The following THSD7A variants were observed in gnomAD, a reference collection of about 807,000 sequenced individuals.
THSD7A encodes the protein thrombospondin type 1 domain containing 7A, also known as thrombospondin type-1 domain-containing protein 7A.
THSD7A carries 96 observed loss-of-function variants against 231.3 expected under a neutral mutation model. The ratio of observed to expected loss-of-function variants is 0.41; its 90% confidence interval spans 0.35 to 0.49. THSD7A has a LOEUF of 0.49. Among genes scored for constraint, THSD7A ranks in the 20% least tolerant of loss-of-function variants. THSD7A has a pLI of 0.05. For synonymous variants in THSD7A, 940 were observed against 743.3 expected (o/e 1.26, Z -4.30); for missense variants, 2,290 against 2,070.2 (o/e 1.11, Z -2.06).
In THSD7A at chr7:11,571,238, G is replaced by A. The variant is rs1406146638; in HGVS notation, c.1453+19222C>T. 2.6e-5 allele frequency among the ~76,000 whole-genome samples: 4 copies of A among 152,316 alleles called. No homozygotes were observed. In the South Asian group the frequency reaches 8.3e-4, roughly 32 times the overall value. On this transcript the variant is annotated intron_variant, in intron 4 of 27. Coordinates refer to ENST00000423059, the MANE Select transcript of THSD7A (RefSeq NM_015204.3). ...ACTATATGAGGCTCTCTGGAACTGA[G>A]GAGATGGTGGAGGTTCCACAGATCC...
intron 1 of THSD7A, among the ~76,000 whole-genome samples, chr7:11,748,939 A>G (rs543515221): frequency 6.6e-6 from 1 of 152,092 alleles, no homozygotes; most frequent in South Asian, 2.1e-4. Context: ...TGCAGCGAAC[A>G]CCGGGAATGA....
chr7:11,595,018 C>T (rs1203807000), intron 2 of THSD7A, among the ~76,000 whole-genome samples: 2 of 152,124 alleles, frequency 1.3e-5, no homozygotes, highest in Non-Finnish European at 1.5e-5. Context: ...CTTCCCCATC[C>T]CCAGTAGTGA....
chr7:11,499,405 A>T (rs1562659721), intron 6 of THSD7A, among the ~76,000 whole-genome samples: 2 of 152,238 alleles, frequency 1.3e-5, no homozygotes, highest in African/African-American at 2.4e-5. Flanking sequence ...AAGAAATATA[A>T]ACACCAAGAT....
chr7:11,734,881 T>G (rs1050592387), intron 1 of THSD7A, among the ~76,000 whole-genome samples: 1 of 151,938 alleles, frequency 6.6e-6, no homozygotes, highest in Non-Finnish European at 1.5e-5. Flanking sequence ...GATGATTTTA[T>G]AGTCATTTTT....
At chr7:11,668,972 C>T (rs1310501242) in intron 1 of THSD7A, among the ~76,000 whole-genome samples, 2 of 152,106 alleles carry the variant, frequency 1.3e-5, no homozygotes, top group South Asian at 2.1e-4. Context: ...TGTTTCTAGT[C>T]GAGTGTGCTG....
intron 1 of THSD7A, among the ~76,000 whole-genome samples, chr7:11,723,390 G>T (rs1483916113): frequency 6.6e-6 from 1 of 151,588 alleles, no homozygotes; most frequent in Admixed American, 6.6e-5. Flanking sequence ...ACGAGTTAAT[G>T]AGTGCAGCAC....
rs563308418 is a variant in THSD7A, at chr7:11,819,508, C to T, written c.190+12249G>A. On this transcript the variant is annotated intron_variant, in intron 1 of 27. Transcript: ENST00000423059. ...TCAAAAGAAATGAGCTGTCAAGCCACGAAAAGGCATGTAGAAAACTTAAAC... is the reference window on the plus strand; with the variant it reads ...TCAAAAGAAATGAGCTGTCAAGCCATGAAAAGGCATGTAGAAAACTTAAAC... Among the ~76,000 whole-genome samples, 7 of 152,156 alleles carry T rather than the reference C, an allele frequency of 4.6e-5. No homozygotes were observed. In the South Asian group the frequency reaches 8.3e-4, roughly 18 times the overall value.
chr7:11,540,249 T>G (rs1321537831), intron 6 of THSD7A, among the ~76,000 whole-genome samples: 1 of 152,218 alleles, frequency 6.6e-6, no homozygotes, highest in African/African-American at 2.4e-5. Context: ...ACTCAAGCAC[T>G]GGTTCAGATT....
rs181775870 is a variant in THSD7A at position 11,764,963 on chromosome 7, T to C, written c.190+66794A>G. On this transcript the variant is annotated intron_variant, in intron 1 of 27. Transcript: ENST00000423059. Reference sequence around the variant, plus strand: ...AAATGGTTTAAAATCTGTAACAGTATAGAAACTCTTAATGACAAACCTGAG... The same window carrying C: ...AAATGGTTTAAAATCTGTAACAGTACAGAAACTCTTAATGACAAACCTGAG... Among the ~76,000 whole-genome samples, 251 of 152,264 alleles carry C rather than the reference T, an allele frequency of 1.6e-3. 1 individual carries two copies. The highest frequency in any genetic ancestry group is 7.1e-3 in the Middle Eastern group (2 of 282).
intron 2 of THSD7A, among the ~76,000 whole-genome samples, chr7:11,594,347 G>T (rs185795428): frequency 0.012 from 1,784 of 152,194 alleles, 28 homozygotes; most frequent in African/African-American, 0.041. Context: ...GACAGATTTT[G>T]GTACCAGGAG....
At chr7:11,826,153 C>T (rs1785021038) in intron 1 of THSD7A, among the ~76,000 whole-genome samples, 1 of 152,286 alleles carries the variant, frequency 6.6e-6, no homozygotes, top group South Asian at 2.1e-4. Flanking sequence ...GTAAAGGACA[C>T]ACTGACTGTC....
intron 11 of THSD7A, among the ~76,000 whole-genome samples, chr7:11,453,623 A>T (rs1785213968): frequency 1.3e-5 from 2 of 151,982 alleles, no homozygotes; most frequent in South Asian, 4.1e-4. Context: ...TATTAACTCT[A>T]GTTCCATCTA....
At chr7:11,562,768 C>G (rs1245979895) in intron 4 of THSD7A, among the ~76,000 whole-genome samples, 2 of 152,036 alleles carry the variant, frequency 1.3e-5, no homozygotes, top group Non-Finnish European at 2.9e-5. Flanking sequence ...ATATTAAGTG[C>G]TTACTCTTTG....
intron 4 of THSD7A, among the ~76,000 whole-genome samples, chr7:11,569,697 G>A (rs79): frequency 0.8 from 120,960 of 152,070 alleles, 48,269 homozygotes; most frequent in Middle Eastern, 0.88. Context: ...GAAAATCAGT[G>A]TATCAAAGGG....
At chr7:11,433,494 A>G (rs2072884660) in intron 13 of THSD7A, among the ~76,000 whole-genome samples, 1 of 152,084 alleles carries the variant, frequency 6.6e-6, no homozygotes, top group Admixed American at 6.6e-5. Context: ...TATTTGTAAG[A>G]CTACAATGAA....
rs550753717 is a variant in THSD7A at position 11,379,730 on chromosome 7, A to T, written c.4508-18T>A. 6.4e-7 allele frequency: 1 copy of T among 1,565,330 alleles called. No individual in the cohort carries two copies. The highest frequency in any genetic ancestry group is 1.2e-5 in the South Asian group (1 of 84,998). ...GCAGCCCCCTGCGGAACAGAAAATC[A>T]TGTTTTGACAAATAATATATTTTGC... On this transcript the variant is annotated intron_variant, in intron 24 of 27. Transcript: ENST00000423059.
chr7:11,396,097 A>G (rs377025446), intron 23 of THSD7A, among the ~76,000 whole-genome samples: 1 of 151,832 alleles, frequency 6.6e-6, no homozygotes, highest in Non-Finnish European at 1.5e-5. Flanking sequence ...TTTGAAACCA[A>G]TGAGTTCAAA....
chr7:11,676,133 G>A (rs1184131889), intron 1 of THSD7A, among the ~76,000 whole-genome samples: 1 of 152,188 alleles, frequency 6.6e-6, no homozygotes, highest in Non-Finnish European at 1.5e-5. Context: ...AGGGTCTGGA[G>A]TGGACCTCCA....
chr7:11,674,368 C>T (rs891089916), intron 1 of THSD7A, among the ~76,000 whole-genome samples: 1 of 152,126 alleles, frequency 6.6e-6, no homozygotes. Context: ...ACACTCCACC[C>T]TGGCTGAAGA....
Sources: allele counts gnomAD v4.1 joint callset (sites outside exome capture counted in the v4.1 genomes callset), GRCh38; gene constraint gnomAD v4.1.1; transcripts MANE v1.5; gene names NCBI Gene and HGNC (gene_info 2026-07-23, HGNC 2026-07-21).